TRAPPC11: variants seen among roughly 807,000 people sequenced by gnomAD.
The protein encoded by TRAPPC11 is foie gras homolog.
Under a neutral mutation model 151.2 loss-of-function variants are expected in TRAPPC11, and 104 were observed. The ratio of observed to expected loss-of-function variants is 0.69; its 90% CI spans 0.59 to 0.81. The LOEUF is 0.81. Ranked by LOEUF, TRAPPC11 falls within the 30% of genes least tolerant of loss-of-function variation. The probability of loss-of-function intolerance (pLI) is 0.00; values close to 1 mark genes in which losing one functional copy is unlikely to be tolerated. For synonymous variants in TRAPPC11, 456 were observed against 472.3 expected, an observed-to-expected ratio of 0.97 and a Z score of 0.45; for missense variants, 1,230 against 1,349.6, an observed-to-expected ratio of 0.91 and a Z score of 1.39.
At position 183,712,842 on chromosome 4, in the gene TRAPPC11, T is replaced by A. The variant is rs1737399101; in HGVS notation, c.*198T>A. On this transcript the variant is annotated 3_prime_UTR_variant, in exon 30 of 30. Transcript: ENST00000334690. ...TGTCTTATAGTTTCTCTAATAAATA[T>A]CTGAAATCTCAGTACGACATGAAAG... 2 of 491,920 alleles carry A rather than the reference T, an allele frequency of 4.1e-6. No homozygotes were observed. Among genetic ancestry groups the A allele is most frequent in the East Asian group, 3.1e-5 (1 of 32,028 alleles). 30.5% of individuals were successfully genotyped at this position (491,920 alleles called of 1,614,324 possible).
Position 183,679,390 on chromosome 4 carries a change from A to G in TRAPPC11, c.869A>G (p.Asp290Gly), listed in dbSNP as rs1230367920. ...RLCFQHNTPL[D>G]AIAQFRKHID... ...TGTTTTCAACACAACACCCCATTGG[A>G]TGCAATTGCTCAGTTCCGAAAACAC... Residue 290 changes from aspartate (D) to glycine (G), a missense_variant, in exon 9 of 30, where the codon GAT (aspartate) becomes GGT (glycine). Physicochemically the swap from Asp to Gly is moderately conservative, Grantham distance 94. Coordinates refer to ENST00000334690, the MANE Select transcript of TRAPPC11 (RefSeq NM_021942.6). 2 of 1,612,220 alleles carry G rather than the reference A, an allele frequency of 1.2e-6. No homozygotes were observed.
Position 183,674,794 on chromosome 4 carries a change from G to C in TRAPPC11, c.642G>C (p.Leu214Phe), listed in dbSNP as rs1579173461. ...IRRVKSHKEF[L>F]NKTTHQLLFV... Reference sequence around the variant, plus strand: ...GAGTGAAATCTCATAAAGAATTTTTGAATAAAACAACACACCAGGTGCGTG... The same window carrying C: ...GAGTGAAATCTCATAAAGAATTTTTCAATAAAACAACACACCAGGTGCGTG... Residue 214 changes from leucine to phenylalanine, a missense_variant, in exon 6 of 30, where the codon TTG (leucine) becomes TTC (phenylalanine). Transcript: ENST00000334690. 1 of 1,591,004 alleles carries C rather than the reference G, an allele frequency of 6.3e-7. No individual in the cohort carries two copies. The highest frequency in any genetic ancestry group is 8.5e-7 in the Non-Finnish European group (1 of 1,169,860).
intron 20 of TRAPPC11, 50 bp from the exon 21 acceptor site, chr4:183,693,539 T>C (rs753432064): frequency 1.3e-6 from 2 of 1,552,404 alleles, no homozygotes; most frequent in Admixed American, 4.1e-5. Context: ...TTTGAATAAT[T>C]TATTTGCTTT....
Position 183,713,140 on chromosome 4 carries a change from A to C in TRAPPC11, c.*496A>C, listed in dbSNP as rs1737409883. ...ATAGGGAGTTGTATGACTGATACGG[A>C]AAACTTCCAGAAAGTTTTAATCAAA... On this transcript the variant is annotated 3_prime_UTR_variant, in exon 30 of 30. Coordinates refer to ENST00000334690, the MANE Select transcript of TRAPPC11 (RefSeq NM_021942.6). 6.5e-6 allele frequency: 1 copy of C among 152,960 alleles called. No homozygotes were observed. The highest frequency in any genetic ancestry group is 1.5e-5 in the Non-Finnish European group (1 of 68,574). 9.5% of individuals were successfully genotyped at this position (152,960 alleles called of 1,614,324 possible).
intron 28 of TRAPPC11, among the ~76,000 whole-genome samples, chr4:183,707,252 T>TTG (rs1275308451): frequency 7.1e-5 from 7 of 98,752 alleles, no homozygotes; most frequent in African/African-American, 3.2e-4. Context: ...GTGTGTGTGT[T>TTG]TATGTGTGTG....
At position 183,663,736 on chromosome 4, in the gene TRAPPC11, G is replaced by GTT. The variant is rs70959134; in HGVS notation, c.-21-93_-21-92dup. ...CATATATTGGAAATGAATATGAGTT[G>GTT]TTTTTTTTTTTTTTTTTTTGAGACA... On this transcript the variant is annotated intron_variant, in intron 1 of 29. Coordinates refer to ENST00000334690, the MANE Select transcript of TRAPPC11 (RefSeq NM_021942.6). 5,847 of 388,146 alleles carry GTT rather than the reference G, an allele frequency of 0.015. 284 individuals are homozygous for GTT. The highest frequency in any genetic ancestry group is 0.094 in the African/African-American group (3,450 of 36,646). 24.0% of individuals were successfully genotyped at this position (388,146 alleles called of 1,614,324 possible).
At chr4:183,711,675 GC>G (rs1262218572) in intron 29 of TRAPPC11, among the ~76,000 whole-genome samples, 2 of 101,034 alleles carry the variant, frequency 2.0e-5, no homozygotes, top group Non-Finnish European at 5.3e-5. Context: ...AACAACCACA[GC>G]AGCAGCAAAC....
chr4:183,683,900 G>A (rs1470684132), intron 11 of TRAPPC11, 75 bp from the exon 12 acceptor site: 2 of 1,142,234 alleles, frequency 1.8e-6, no homozygotes, highest in Admixed American at 3.4e-5. Context: ...TTCAAGGAGT[G>A]TACACATACA....
intron 11 of TRAPPC11, 73 bp downstream of exon 11, chr4:183,682,898 G>A: frequency 2.1e-6 from 2 of 952,414 alleles, no homozygotes; most frequent in South Asian, 1.4e-5. Flanking sequence ...ATTTTCCATT[G>A]GCTGCACATG....
intron 19 of TRAPPC11, among the ~76,000 whole-genome samples, chr4:183,691,801 TAAG>T (rs1337483110): frequency 6.6e-6 from 1 of 152,146 alleles, no homozygotes; most frequent in Non-Finnish European, 1.5e-5. Flanking sequence ...CATAATCAGT[TAAG>T]GAGTTTTAAA....
chr4:183,661,614 G>A (rs190184330), intron 1 of TRAPPC11, among the ~76,000 whole-genome samples: 1,701 of 151,690 alleles, frequency 0.011, 20 homozygotes, highest in Non-Finnish European at 0.018. Flanking sequence ...CTTGTGATCC[G>A]CCCGCCTCGG....
In TRAPPC11 at chr4:183,711,099, C is replaced by T. The variant is rs112819032; in HGVS notation, c.3358-1501C>T. Reference sequence around the variant, plus strand: ...TATTTCAAAACATCATGTTGTATACCGTAAATGTCTACAATTTTTTTTTTT... The same window carrying T: ...TATTTCAAAACATCATGTTGTATACTGTAAATGTCTACAATTTTTTTTTTT... On this transcript the variant is annotated intron_variant, in intron 29 of 29. Coordinates refer to ENST00000334690, the MANE Select transcript of TRAPPC11 (RefSeq NM_021942.6). 2.5e-3 allele frequency among the ~76,000 whole-genome samples: 366 copies of T among 143,622 alleles called. 1 individual carries two copies. The highest frequency in any genetic ancestry group is 9.4e-3 in the African/African-American group (345 of 36,776). 94.2% of individuals were successfully genotyped at this position (143,622 alleles called of 152,430 possible).
chr4:183,711,914 AC>A (rs1423275529), intron 29 of TRAPPC11, among the ~76,000 whole-genome samples: 1 of 152,144 alleles, frequency 6.6e-6, no homozygotes, highest in East Asian at 1.9e-4. Context: ...GATGTTGTTA[AC>A]CTGCCAGAAA....
chr4:183,679,231 A>G (rs1293917406), intron 8 of TRAPPC11, 122 bp from the exon 9 acceptor site: 4 of 946,476 alleles, frequency 4.2e-6, no homozygotes, highest in South Asian at 2.3e-5. Flanking sequence ...TATTGCAAAG[A>G]GCTTCAGAGA....
chr4:183,684,138 C>T lies in TRAPPC11; in HGVS notation c.1288-7C>T, dbSNP rs1735842488. 1 of 1,611,972 alleles carries T rather than the reference C, an allele frequency of 6.2e-7. No homozygotes were observed. Among genetic ancestry groups the T allele is most frequent in the Non-Finnish European group, 8.5e-7 (1 of 1,178,494 alleles). On this transcript the variant is annotated splice_region_variant and splice_polypyrimidine_tract_variant and intron_variant, in intron 12 of 29. Coordinates refer to ENST00000334690, the MANE Select transcript of TRAPPC11 (RefSeq NM_021942.6). ...TGAAATGTTTCACACTCTACTTTTT[C>T]TAATAGGAGATAATCATAACTCTTC...
intron 1 of TRAPPC11, among the ~76,000 whole-genome samples, chr4:183,662,602 G>A (rs1451643386): frequency 6.6e-6 from 1 of 151,640 alleles, no homozygotes; most frequent in Non-Finnish European, 1.5e-5. Context: ...ATTTTATATT[G>A]TGGGAAATGA....
At position 183,675,234 on chromosome 4, in the gene TRAPPC11, T is replaced by A; in HGVS notation, c.731T>A (p.Leu244Gln). 6.5e-7 allele frequency: 1 copy of A among 1,529,906 alleles called. No homozygotes were observed. Among genetic ancestry groups the A allele is most frequent in the African/African-American group, 1.4e-5 (1 of 72,596 alleles). 94.8% of individuals were successfully genotyped at this position (1,529,906 alleles called of 1,614,324 possible). ...SELKQDTQNALKNYRTAYNLV... is the reference protein window; with the variant it reads ...SELKQDTQNAQKNYRTAYNLV... ...TTGAAACAAGATACACAAAATGCGC[T>A]GAAGTAAGTTAAGCTTTCAAACTAA... The change falls in exon 7 of 30, where the codon CTG (leucine) becomes CAG (glutamine). Residue 244 changes from leucine (L) to glutamine (Q), a missense_variant. Coordinates refer to ENST00000334690, the MANE Select transcript of TRAPPC11 (RefSeq NM_021942.6).
intron 5 of TRAPPC11, 127 bp from the exon 6 acceptor site, chr4:183,674,586 G>A (rs1735317832): frequency 2.0e-6 from 1 of 502,560 alleles, no homozygotes; most frequent in African/African-American, 2.0e-5. Flanking sequence ...GCTTCACTTT[G>A]TCTTATTCAT....
At chr4:183,687,902 G>T (rs1321591334) in intron 18 of TRAPPC11, among the ~76,000 whole-genome samples, 1 of 152,114 alleles carries the variant, frequency 6.6e-6, no homozygotes, top group Non-Finnish European at 1.5e-5. Context: ...TTCTGCACAT[G>T]AATATATAAG....
Sources: allele counts gnomAD v4.1 joint callset (sites outside exome capture counted in the v4.1 genomes callset), GRCh38; gene constraint gnomAD v4.1.1; transcripts MANE v1.5; gene names NCBI Gene and HGNC (gene_info 2026-07-23, HGNC 2026-07-21).